Variants in TANC1 observed in about 807,000 individuals in gnomAD.
TANC1 encodes the protein protein TANC1.
A neutral mutation model predicts 149.7 loss-of-function variants in TANC1; 77 were observed. The observed-to-expected ratio is 0.51, with a 90% CI of 0.43 to 0.62. The LOEUF (loss-of-function observed/expected upper bound fraction) is 0.62. Ranked by LOEUF, TANC1 falls within the 20% of genes least tolerant of loss-of-function variation. The pLI, the probability that TANC1 is intolerant of heterozygous loss-of-function variation, is 0.00. For synonymous variants in TANC1, 854 were observed against 925.0 expected, an observed-to-expected ratio of 0.92 and a Z score of 1.39; for missense variants, 1,985 against 2,321.8, an observed-to-expected ratio of 0.85 and a Z score of 2.98.
At chr2:158,976,487 A>G (rs760605822) in intron 1 of TANC1, among the ~76,000 whole-genome samples, 2 of 152,252 alleles carry the variant, frequency 1.3e-5, no homozygotes, top group Non-Finnish European at 2.9e-5. Context: ...TCTTGCAAAG[A>G]AAGTGTAATG....
At chr2:159,066,097 G>T (rs2042635752) in intron 3 of TANC1, 126 bp downstream of exon 3, 1 of 756,230 alleles carries the variant, frequency 1.3e-6, no homozygotes, top group African/African-American at 1.7e-5. Context: ...AGAACAAACA[G>T]TGTGCTGGAG....
intron 4 of TANC1, among the ~76,000 whole-genome samples, chr2:159,123,196 A>G (rs2049033525): frequency 6.6e-6 from 1 of 152,128 alleles, no homozygotes; most frequent in African/African-American, 2.4e-5. Context: ...CAGAGCAGGT[A>G]GGTGTGAGGA....
chr2:159,225,869 A>G, intron 24 of TANC1, 90 bp downstream of exon 24: 1 of 1,026,298 alleles, frequency 9.7e-7, no homozygotes, highest in Non-Finnish European at 1.5e-6. Flanking sequence ...GTGCTACTGC[A>G]CAGTCTCCAT....
rs78046700 is a variant in TANC1 at position 158,978,845 on chromosome 2, G to A, written c.-126+10063G>A. Among the ~76,000 whole-genome samples the A allele has an allele frequency of 5.5e-3, 835 of 152,328 alleles. 4 individuals are homozygous for A. The highest frequency in any genetic ancestry group is 0.019 in the African/African-American group (786 of 41,566). On this transcript the variant is annotated intron_variant, in intron 1 of 26. Coordinates refer to ENST00000263635, the MANE Select transcript of TANC1 (RefSeq NM_033394.3). ...GATGGAAGACAGACATGTCTCCAGG[G>A]TTTTGAGGGTCAAATGACAGAATGT...
intron 18 of TANC1, among the ~76,000 whole-genome samples, chr2:159,197,604 A>ACAC (rs2057952299): frequency 2.8e-5 from 4 of 143,720 alleles, no homozygotes; most frequent in African/African-American, 9.8e-5. Context: ...TTAAACATTA[A>ACAC]ACACACACAC....
intron 25 of TANC1, 136 bp downstream of exon 25, chr2:159,228,101 T>C: frequency 3.3e-6 from 3 of 919,058 alleles, no homozygotes; most frequent in Admixed American, 4.9e-5. Context: ...GAACCTGGCA[T>C]GTGGGAAACA....
chr2:158,994,626 A>T (rs1469884205), intron 1 of TANC1, among the ~76,000 whole-genome samples: 1 of 152,202 alleles, frequency 6.6e-6, no homozygotes, highest in Non-Finnish European at 1.5e-5. Flanking sequence ...GAATGAAAAG[A>T]ATCAAATCTA....
chr2:159,230,156 G>A lies in TANC1; in HGVS notation c.4730G>A (p.Ser1577Asn). The A allele has an allele frequency of 1.2e-6, 2 of 1,614,086 alleles. No individual in the cohort carries two copies. The highest frequency in any genetic ancestry group is 1.7e-6 in the Non-Finnish European group (2 of 1,180,024). Residue 1577 changes from serine (S) to asparagine (N), a missense_variant, in exon 27 of 27, where the codon AGC (serine) becomes AAC (asparagine). Physicochemically the swap from Ser to Asn is conservative, Grantham distance 46. Transcript: ENST00000263635. The surrounding 1 kb of genome is among the most constrained non-coding windows in gnomAD (Gnocchi z 4.4). ...AGAATCGCTGCCACTCCTGCTGGGA[G>A]CAGAACCCAGCATTTAGAGGGAACA... ...PGRIAATPAG[S>N]RTQHLEGTGT...
chr2:159,053,099 G>A (rs1416963547), intron 2 of TANC1, among the ~76,000 whole-genome samples: 1 of 151,570 alleles, frequency 6.6e-6, no homozygotes, highest in African/African-American at 2.4e-5. Context: ...ATCCTCATTT[G>A]AGACTAGATT....
intron 3 of TANC1, among the ~76,000 whole-genome samples, chr2:159,095,869 T>C (rs184619980): frequency 2.0e-5 from 3 of 152,130 alleles, no homozygotes; most frequent in African/African-American, 7.2e-5. Flanking sequence ...GTGATACCAC[T>C]TGAAACTTGA....
At chr2:159,122,871 G>A (rs1023444713) in intron 4 of TANC1, among the ~76,000 whole-genome samples, 8 of 151,314 alleles carry the variant, frequency 5.3e-5, no homozygotes, top group Non-Finnish European at 1.0e-4. Context: ...TTCACCAGCA[G>A]TTTTTATATT....
intron 2 of TANC1, among the ~76,000 whole-genome samples, chr2:159,047,624 A>G (rs570050650): frequency 2.6e-5 from 4 of 152,306 alleles, no homozygotes; most frequent in African/African-American, 9.6e-5. Context: ...GTGACCTGGA[A>G]GCCCCCTCCC....
At chr2:159,004,859 G>T (rs1410370068) in intron 2 of TANC1, among the ~76,000 whole-genome samples, 1 of 152,004 alleles carries the variant, frequency 6.6e-6, no homozygotes, top group African/African-American at 2.4e-5. Context: ...GGAAATCAGG[G>T]GTCTCACAGC....
At chr2:159,023,491 C>CAA (rs1054996582) in intron 2 of TANC1, among the ~76,000 whole-genome samples, 4 of 151,954 alleles carry the variant, frequency 2.6e-5, no homozygotes, top group African/African-American at 9.7e-5. Flanking sequence ...CAGGCACATA[C>CAA]AACCACGCCT....
At chr2:159,069,343 A>G (rs547774894) in intron 3 of TANC1, among the ~76,000 whole-genome samples, 6 of 152,322 alleles carry the variant, frequency 3.9e-5, no homozygotes, top group Admixed American at 3.9e-4. Context: ...GTATTAAACC[A>G]TAATACAGGG....
At chr2:159,212,069 T>C (rs948399988) in intron 19 of TANC1, among the ~76,000 whole-genome samples, 1 of 152,236 alleles carries the variant, frequency 6.6e-6, no homozygotes, top group Admixed American at 6.5e-5. Context: ...GTTGCAAAAA[T>C]TCAGTAGCAG....
chr2:159,054,648 A>G (rs916514884), intron 2 of TANC1, among the ~76,000 whole-genome samples: 1 of 152,190 alleles, frequency 6.6e-6, no homozygotes, highest in East Asian at 1.9e-4. Context: ...ATCCAGTGCA[A>G]TTTAAAAATT....
At chr2:159,125,563 A>G (rs1196095481) in intron 4 of TANC1, among the ~76,000 whole-genome samples, 1 of 137,530 alleles carries the variant, frequency 7.3e-6, no homozygotes, top group Non-Finnish European at 1.6e-5. Context: ...TGAGGTCCCC[A>G]TTCCTTCCTT....
intron 2 of TANC1, among the ~76,000 whole-genome samples, chr2:159,013,326 G>T (rs749033993): frequency 5.3e-5 from 8 of 152,116 alleles, no homozygotes; most frequent in Non-Finnish European, 7.3e-5. Flanking sequence ...AGACACAGAG[G>T]ATCACACATC....
Sources: allele counts gnomAD v4.1 joint callset (sites outside exome capture counted in the v4.1 genomes callset), GRCh38; gene constraint gnomAD v4.1.1; non-coding constraint Gnocchi (gnomAD v3.1); transcripts MANE v1.5; gene names NCBI Gene and HGNC (gene_info 2026-07-23, HGNC 2026-07-21).